The following RIPOR2 variants were observed in gnomAD, a reference collection of about 807,000 sequenced individuals.
RIPOR2 encodes rho family-interacting cell polarization regulator 2.
In RIPOR2, 39 loss-of-function variants were observed where a neutral mutation model predicts 114.5. The observed-to-expected ratio is 0.34, with a 90% CI of 0.26 to 0.44. The LOEUF (loss-of-function observed/expected upper bound fraction) is 0.44, where lower values mean the gene tolerates loss of function less well. Among genes scored for constraint, RIPOR2 ranks in the 20% least tolerant of loss-of-function variants. The probability of loss-of-function intolerance (pLI) is 1.00; values close to 1 mark genes in which losing one functional copy is unlikely to be tolerated. For synonymous variants in RIPOR2, 445 were observed against 484.4 expected (o/e 0.92, Z 1.07); for missense variants, 1,007 against 1,255.1 (o/e 0.80, Z 2.99).
intron 1 of RIPOR2, among the ~76,000 whole-genome samples, chr6:25,026,517 G>C (rs1156706806): frequency 6.6e-6 from 1 of 152,206 alleles, no homozygotes; most frequent in Non-Finnish European, 1.5e-5. Context: ...AATGCTTCCT[G>C]TTTATCCTTA....
At chr6:24,890,634 C>T (rs909827498) in intron 1 of RIPOR2, among the ~76,000 whole-genome samples, 2 of 150,716 alleles carry the variant, frequency 1.3e-5, no homozygotes, top group Admixed American at 1.3e-4. Flanking sequence ...ACACTTGGAC[C>T]TTTGTACCCA....
At chr6:24,997,886 T>C (rs7742357) in intron 1 of RIPOR2, among the ~76,000 whole-genome samples, 149,465 of 152,262 alleles carry the variant, frequency 0.98, 73,415 homozygotes, top group East Asian at 1. Flanking sequence ...CAGTCCCCAC[T>C]CCAGACCTAC....
Position 24,895,786 on chromosome 6 carries a change from C to A in RIPOR2, c.62-19969G>T, listed in dbSNP as rs141023315. On this transcript the variant is annotated intron_variant, in intron 1 of 21. Transcript: ENST00000643898. The stretch of plus-strand genomic sequence containing the variant: ...CAGGTGGATCACGAGGTCAGGAGAT[C>A]AAGACCATCCTGGCCAACACGGTGA... Among the ~76,000 whole-genome samples the A allele has an allele frequency of 7.1e-3, 1,083 of 152,170 alleles. 38 individuals are homozygous for A. Among genetic ancestry groups the A allele is most frequent in the East Asian group, 0.052 (267 of 5,146 alleles).
chr6:25,018,908 C>T (rs773902342), intron 1 of RIPOR2, among the ~76,000 whole-genome samples: 1 of 152,072 alleles, frequency 6.6e-6, no homozygotes, highest in South Asian at 2.1e-4. Flanking sequence ...TCATTGTCTC[C>T]ATCCATTGTT....
chr6:24,972,946 T>C (rs544691561), intron 1 of RIPOR2, among the ~76,000 whole-genome samples: 9 of 152,322 alleles, frequency 5.9e-5, no homozygotes, highest in African/African-American at 2.2e-4. Flanking sequence ...ATGTGAATCT[T>C]GGATCTGTAG....
At chr6:25,019,145 TAG>T (rs1431487312) in intron 1 of RIPOR2, among the ~76,000 whole-genome samples, 1 of 152,244 alleles carries the variant, frequency 6.6e-6, no homozygotes, top group Non-Finnish European at 1.5e-5. Flanking sequence ...TAGGAATTCA[TAG>T]ATTTTTATAT....
rs1232117249 is a variant in RIPOR2, at chr6:24,830,563, C to T, written c.2452G>A (p.Glu818Lys). Residue 818 changes from glutamate (E) to lysine (K), a missense_variant, in exon 17 of 22, where the codon GAG (glutamate) becomes AAG (lysine). Coordinates refer to ENST00000643898, the MANE Select transcript of RIPOR2 (RefSeq NM_001286445.3). The stretch of plus-strand genomic sequence containing the variant: ...TTGACAGTTCTGGCAAAGCTGGCCT[C>T]CAGCTGCTTCATCACTCTGTCCGCT... The part of the protein sequence containing the change: ...SPADRVMKQL[E>K]ASFARTVNKE... The T allele has an allele frequency of 2.6e-6, 4 of 1,551,380 alleles. No individual in the cohort carries two copies. The Admixed American group carries it at 7.8e-5, about 30-fold the overall frequency.
chr6:24,871,270 A>G (rs1765136152), intron 4 of RIPOR2, among the ~76,000 whole-genome samples: 1 of 152,232 alleles, frequency 6.6e-6, no homozygotes, highest in South Asian at 2.1e-4. Flanking sequence ...AATAAATGGT[A>G]CGAATATAAA....
At chr6:24,929,783 T>C (rs1483874685) in intron 1 of RIPOR2, among the ~76,000 whole-genome samples, 1 of 152,156 alleles carries the variant, frequency 6.6e-6, no homozygotes, top group African/African-American at 2.4e-5. Context: ...CAATAAAATA[T>C]AGAAGGCAGG....
chr6:24,946,721 TGGACCCTGCA>T, intron 1 of RIPOR2, among the ~76,000 whole-genome samples: 1 of 152,336 alleles, frequency 6.6e-6, no homozygotes, highest in East Asian at 1.9e-4. Flanking sequence ...CCAAGGGGTC[TGGACCCTGCA>T]GGAGGTAGGC....
At chr6:24,974,696 T>C (rs1184693802) in intron 1 of RIPOR2, among the ~76,000 whole-genome samples, 1 of 152,218 alleles carries the variant, frequency 6.6e-6, no homozygotes, top group Non-Finnish European at 1.5e-5. Flanking sequence ...CAAAAACATG[T>C]ATGCAAATGT....
upstream of RIPOR2, among the ~76,000 whole-genome samples, chr6:24,939,988 C>T (rs1341842177): frequency 6.6e-6 from 1 of 152,118 alleles, no homozygotes; most frequent in African/African-American, 2.4e-5. Flanking sequence ...AGGTCTGGTC[C>T]TTGCTTTGTG....
intron 9 of RIPOR2, among the ~76,000 whole-genome samples, chr6:24,851,737 C>G (rs1016614078): frequency 3.3e-5 from 5 of 151,050 alleles, no homozygotes; most frequent in African/African-American, 9.8e-5. Context: ...CCTGGATTGG[C>G]CCTTGGATCA....
In RIPOR2 at chr6:24,927,221, C is replaced by CAAT. The variant is rs1479144915; in HGVS notation, c.61+8616_61+8617insATT. ...ACTACAAGCACCACCACCACCACTA[C>CAAT]CACCAGCACCACCACAACTACAATC... On this transcript the variant is annotated intron_variant, in intron 1 of 21. Coordinates refer to ENST00000643898, the MANE Select transcript of RIPOR2 (RefSeq NM_001286445.3). Among the ~76,000 whole-genome samples the CAAT allele has an allele frequency of 6.2e-5, 7 of 113,476 alleles. 2 individuals are homozygous for CAAT. The highest frequency in any genetic ancestry group is 2.3e-4 in the Admixed American group (2 of 8,864). 74.4% of individuals were successfully genotyped at this position (113,476 alleles called of 152,430 possible). A position where few individuals can be genotyped will look rare whatever the true frequency, so the allele number is the denominator to read the frequency against.
intron 1 of RIPOR2, among the ~76,000 whole-genome samples, chr6:24,892,153 T>C (rs1767428499): frequency 6.6e-6 from 1 of 152,174 alleles, no homozygotes. Context: ...GCCACATCCA[T>C]TCTTACAGAG....
At chr6:24,957,155 T>A (rs138009247) in intron 1 of RIPOR2, among the ~76,000 whole-genome samples, 47 of 152,340 alleles carry the variant, frequency 3.1e-4, no homozygotes, top group African/African-American at 1.1e-3. Flanking sequence ...TAAGTAGCAT[T>A]TATAAAGGAT....
rs185133740 is a variant in RIPOR2, at chr6:25,022,494, T to C, written c.76+19357A>G. Among the ~76,000 whole-genome samples, 119 of 150,554 alleles carry C rather than the reference T, an allele frequency of 7.9e-4. 2 individuals carry two copies. Among genetic ancestry groups the C allele is most frequent in the Admixed American group, 5.6e-3 (84 of 15,052 alleles). The stretch of plus-strand genomic sequence containing the variant: ...TTCATAAGTAAAGGACAAATATTTC[T>C]TTTTAACGTAACACATATAACTAAT... On this transcript the variant is annotated intron_variant, in intron 1 of 13. Coordinates refer to the RIPOR2 transcript ENST00000510784.
At chr6:24,834,783 C>T (rs1331647933) in intron 15 of RIPOR2, among the ~76,000 whole-genome samples, 1 of 152,140 alleles carries the variant, frequency 6.6e-6, no homozygotes, top group African/African-American at 2.4e-5. Context: ...GCCACCACAC[C>T]TGACTAATTT....
chr6:24,958,658 C>T (rs1254940124), intron 1 of RIPOR2, among the ~76,000 whole-genome samples: 1 of 152,080 alleles, frequency 6.6e-6, no homozygotes, highest in Non-Finnish European at 1.5e-5. Context: ...AACATGTCTG[C>T]CTATAATTTG....
Sources: allele counts gnomAD v4.1 joint callset (sites outside exome capture counted in the v4.1 genomes callset), GRCh38; gene constraint gnomAD v4.1.1; transcripts MANE v1.5; gene names NCBI Gene and HGNC (gene_info 2026-07-23, HGNC 2026-07-21).